Variants in NPAS3 observed in about 807,000 individuals in gnomAD.
NPAS3 encodes neuronal PAS domain-containing protein 3.
Under a neutral mutation model 73.1 loss-of-function variants are expected in NPAS3, and 14 were observed. The ratio of observed to expected loss-of-function variants is 0.19; its 90% confidence interval spans 0.13 to 0.30. The LOEUF is 0.30. Ranked by LOEUF, NPAS3 falls within the 10% of genes least tolerant of loss-of-function variation. NPAS3 has a pLI of 1.00. For synonymous variants in NPAS3, 620 were observed against 541.5 expected, an observed-to-expected ratio of 1.14 and a Z score of -2.01; for missense variants, 1,096 against 1,250.0, an observed-to-expected ratio of 0.88 and a Z score of 1.86.
In NPAS3 at chr14:32,994,294, C is replaced by T. The variant is rs149604580; in HGVS notation, c.50+54928C>T. On this transcript the variant is annotated intron_variant, in intron 1 of 11. Transcript: ENST00000356141. ...TCTATGGTACTTCACTGTTCTGTTA[C>T]AGTGAATACTTGCCAACTGACTTCC... is the stretch of plus-strand genomic sequence containing the variant. 2.6e-4 allele frequency among the ~76,000 whole-genome samples: 40 copies of T among 152,296 alleles called. No individual in the cohort carries two copies. The East Asian group carries it at 4.8e-3, about 18-fold the overall frequency.
At chr14:33,418,420 A>C (rs1219989705) in intron 4 of NPAS3, among the ~76,000 whole-genome samples, 1 of 151,974 alleles carries the variant, frequency 6.6e-6, no homozygotes. Context: ...GTGTATTAAC[A>C]ACCAAGCCAG....
chr14:33,113,105 C>T (rs1323333234), intron 2 of NPAS3, among the ~76,000 whole-genome samples: 1 of 152,118 alleles, frequency 6.6e-6, no homozygotes, highest in Non-Finnish European at 1.5e-5. Context: ...TAGCGTGATG[C>T]CTCCAGCTTT....
intron 6 of NPAS3, among the ~76,000 whole-genome samples, chr14:33,698,186 G>C (rs146777280): frequency 1.3e-5 from 2 of 152,138 alleles, no homozygotes; most frequent in African/African-American, 4.8e-5. Flanking sequence ...CACAGGGCTA[G>C]GAAAGATAAC....
chr14:33,654,508 A>C (rs1203726117), intron 5 of NPAS3, among the ~76,000 whole-genome samples: 3 of 152,220 alleles, frequency 2.0e-5, no homozygotes, highest in Non-Finnish European at 4.4e-5. Context: ...AGTGACGATT[A>C]GATTTTTTTA....
rs74953506 is a variant in NPAS3, at chr14:33,175,730, A to T, written c.141-39452A>T. The stretch of plus-strand genomic sequence containing the variant: ...GGCTTATTGAGATTTTACATACAAC[A>T]TCCCAATGGGATGACATCATATTCA... On this transcript the variant is annotated intron_variant, in intron 2 of 11. Transcript: ENST00000356141. Among the ~76,000 whole-genome samples the T allele has an allele frequency of 8.5e-3, 1,298 of 152,330 alleles. 16 individuals are homozygous for T. The highest frequency in any genetic ancestry group is 0.03 in the African/African-American group (1,244 of 41,588).
intron 6 of NPAS3, among the ~76,000 whole-genome samples, chr14:33,677,297 G>T (rs1332114239): frequency 6.6e-6 from 1 of 152,122 alleles, no homozygotes; most frequent in Non-Finnish European, 1.5e-5. Context: ...ATTCTTGTGT[G>T]GTGGAGTGCT....
At chr14:33,707,874 C>T (rs1315869292) in intron 6 of NPAS3, among the ~76,000 whole-genome samples, 5 of 152,258 alleles carry the variant, frequency 3.3e-5, no homozygotes, top group African/African-American at 9.6e-5. Context: ...TGCCTGCATG[C>T]GTGGCACACA....
At chr14:33,242,480 T>TG (rs1317159149) in intron 3 of NPAS3, among the ~76,000 whole-genome samples, 1 of 152,088 alleles carries the variant, frequency 6.6e-6, no homozygotes, top group Admixed American at 6.6e-5. Context: ...TGGTGGTGTC[T>TG]GAGTCTGCAG....
chr14:33,216,719 C>A (rs2047236776), intron 3 of NPAS3, among the ~76,000 whole-genome samples: 1 of 151,998 alleles, frequency 6.6e-6, no homozygotes, highest in South Asian at 2.1e-4. Context: ...ACTATATTTA[C>A]AAAATAGGCA....
intron 3 of NPAS3, among the ~76,000 whole-genome samples, chr14:33,354,339 A>G (rs574270495): frequency 1.3e-5 from 2 of 152,240 alleles, no homozygotes; most frequent in East Asian, 3.9e-4. Flanking sequence ...CTCTCCCATG[A>G]CATTTGACAG....
chr14:33,399,063 T>C (rs1200636740), intron 4 of NPAS3, among the ~76,000 whole-genome samples: 1 of 152,094 alleles, frequency 6.6e-6, no homozygotes, highest in African/African-American at 2.4e-5. Context: ...AAATGGACTA[T>C]TATTGAGGTT....
chr14:33,742,507 C>A (rs188106064), intron 7 of NPAS3, among the ~76,000 whole-genome samples: 2 of 152,290 alleles, frequency 1.3e-5, no homozygotes, highest in Admixed American at 1.3e-4. Flanking sequence ...CTTAATTTAA[C>A]AATAATTTAT....
Position 33,557,900 on chromosome 14 carries a change from C to T in NPAS3, c.469-2221C>T, listed in dbSNP as rs185338158. On this transcript the variant is annotated intron_variant, in intron 4 of 11. Transcript: ENST00000356141. ...AGGAGAATGGTGTGAACCCGGGAGG[C>T]GGAGCTTGCAGTGAGCTGCGGTCTC... is the stretch of plus-strand genomic sequence containing the variant. Among the ~76,000 whole-genome samples the T allele has an allele frequency of 3.7e-3, 566 of 152,276 alleles. 5 individuals carry two copies. Among genetic ancestry groups the T allele is most frequent in the African/African-American group, 0.013 (534 of 41,558 alleles).
intron 3 of NPAS3, among the ~76,000 whole-genome samples, chr14:33,233,068 A>G (rs974622027): frequency 6.6e-6 from 1 of 152,188 alleles, no homozygotes; most frequent in Non-Finnish European, 1.5e-5. Context: ...AGAACTAATA[A>G]CCTTTTCAAA....
chr14:33,697,815 A>C (rs1482358159), intron 6 of NPAS3, among the ~76,000 whole-genome samples: 1 of 152,206 alleles, frequency 6.6e-6, no homozygotes, highest in Admixed American at 6.5e-5. Flanking sequence ...TTATTAATAG[A>C]TTGTTAAATG....
Position 32,996,942 on chromosome 14 carries a change from A to G in NPAS3, c.50+57576A>G, listed in dbSNP as rs141972495. ...GATCCACCAACAGCTTGCACCGTGT[A>G]TCGGGAAAAGCCACAGACACTCAAT... On this transcript the variant is annotated intron_variant, in intron 1 of 11. Coordinates refer to ENST00000356141, the Ensembl canonical transcript of NPAS3. 1.1e-3 allele frequency among the ~76,000 whole-genome samples: 165 copies of G among 152,304 alleles called. 1 individual carries two copies. In the East Asian group the frequency reaches 0.026, roughly 24 times the overall value.
chr14:33,069,154 G>A (rs1367308828), intron 2 of NPAS3, among the ~76,000 whole-genome samples: 2 of 152,102 alleles, frequency 1.3e-5, no homozygotes, highest in Admixed American at 1.3e-4. Context: ...AAGACGAAGT[G>A]GATAAAGAAG....
chr14:33,412,303 A>G (rs1416945277), intron 4 of NPAS3, among the ~76,000 whole-genome samples: 1 of 151,976 alleles, frequency 6.6e-6, no homozygotes, highest in Admixed American at 6.6e-5. Flanking sequence ...TATTTTTTGT[A>G]GAGACGGGGT....
intron 5 of NPAS3, among the ~76,000 whole-genome samples, chr14:33,653,268 G>A (rs2059051379): frequency 6.6e-6 from 1 of 152,144 alleles, no homozygotes; most frequent in Admixed American, 6.5e-5. Flanking sequence ...GCTGACTCTT[G>A]GGTTGTCAGC....
Sources: gnomAD v4.1 joint callset for allele counts (sites outside exome capture counted in the v4.1 genomes callset) on GRCh38, gnomAD v4.1.1 for gene constraint, MANE v1.5 for transcripts, NCBI Gene and HGNC (gene_info 2026-07-23, HGNC 2026-07-21) for gene names.